The following THRB variants were observed in gnomAD, a reference collection of about 807,000 sequenced individuals.
THRB encodes nuclear receptor subfamily 1 group A member 2.
A neutral mutation model predicts 47.8 loss-of-function variants in THRB; 12 were observed. The observed-to-expected ratio is 0.25, with a 90% CI of 0.16 to 0.41. The LOEUF (loss-of-function observed/expected upper bound fraction) is 0.41, where lower values mean the gene tolerates loss of function less well. Ranked by LOEUF, THRB falls within the 10% of genes least tolerant of loss-of-function variation. THRB has a pLI of 1.00. For missense variants in THRB, 348 were observed against 589.2 expected (o/e 0.59, Z 4.24); for synonymous variants, 218 against 212.2 (o/e 1.03, Z -0.24).
At chr3:24,455,034 T>C (rs1246627587) in intron 1 of THRB, 1 of 152,062 alleles carries the variant, frequency 6.6e-6, no homozygotes, top group Admixed American at 6.6e-5. Context: ...TTGCTTTTTA[T>C]TGCAGTCATT....
intron 1 of THRB, among the ~76,000 whole-genome samples, chr3:24,393,263 G>T (rs1387897805): frequency 6.6e-6 from 1 of 152,138 alleles, no homozygotes; most frequent in Non-Finnish European, 1.5e-5. Context: ...GGCAATGGAA[G>T]TCCTTAAGAC....
In THRB at chr3:24,122,308, A is replaced by G. The variant is rs2031829876; in HGVS notation, c.*576T>C. Reference sequence around the variant, plus strand: ...GTTATAAAAATGATATTGGAAGGGCAGCTGATTTTTTTAGGACACAAATAT... The same window carrying G: ...GTTATAAAAATGATATTGGAAGGGCGGCTGATTTTTTTAGGACACAAATAT... On this transcript the variant is annotated 3_prime_UTR_variant, in exon 11 of 11. Transcript: ENST00000646209. The G allele has an allele frequency of 6.3e-6, 1 of 159,016 alleles. No individual in the cohort carries two copies. Among genetic ancestry groups the G allele is most frequent in the South Asian group, 1.9e-4 (1 of 5,322 alleles). The allele number at this position is 159,016 out of a possible 1,614,324, so 9.9% of individuals were successfully genotyped here. A position where few individuals can be genotyped will look rare whatever the true frequency, so the allele number is the denominator to read the frequency against.
At chr3:24,402,644 G>C (rs1016645731) in intron 1 of THRB, among the ~76,000 whole-genome samples, 1 of 151,690 alleles carries the variant, frequency 6.6e-6, no homozygotes, top group African/African-American at 2.4e-5. Context: ...GATATACAAT[G>C]ACTACATTAT....
At chr3:24,129,351 T>G (rs1410226217) in intron 9 of THRB, among the ~76,000 whole-genome samples, 1 of 152,242 alleles carries the variant, frequency 6.6e-6, no homozygotes, top group Non-Finnish European at 1.5e-5. Flanking sequence ...TGAGAACCAC[T>G]AGCATAGAAC....
At chr3:24,454,185 A>G (rs933838719) in intron 1 of THRB, among the ~76,000 whole-genome samples, 3 of 152,242 alleles carry the variant, frequency 2.0e-5, no homozygotes, top group Non-Finnish European at 4.4e-5. Context: ...AAAGAAATGA[A>G]TTTTATCGAT....
chr3:24,220,533 T>C (rs1470766730), intron 4 of THRB, among the ~76,000 whole-genome samples: 1 of 152,178 alleles, frequency 6.6e-6, no homozygotes, highest in African/African-American at 2.4e-5. Flanking sequence ...CAGCCAAGTT[T>C]GAGCAGGACA....
rs572755231 is a variant in THRB at position 24,135,189 on chromosome 3, A to G, written c.739-1727T>C. Among the ~76,000 whole-genome samples the G allele has an allele frequency of 2.6e-5, 4 of 152,308 alleles. No homozygotes were observed. The East Asian group carries it at 5.8e-4, about 22-fold the overall frequency. ...ATCCAGTTCCCTTGCCTCCTCCCGC[A>G]TATCTCCTGTTACTGCTCACATCAC... On this transcript the variant is annotated intron_variant, in intron 8 of 10. Transcript: ENST00000646209.
Position 24,130,506 on chromosome 3 carries a change from A to G in THRB, c.886-2749T>C, listed in dbSNP as rs540781810. 3.9e-5 allele frequency among the ~76,000 whole-genome samples: 6 copies of G among 152,190 alleles called. No homozygotes were observed. In the East Asian group the frequency reaches 1.2e-3, roughly 29 times the overall value. The stretch of plus-strand genomic sequence containing the variant: ...ACCATATGACTGGCAGGCTGGCTAG[A>G]GTTGTAGGGGTGACAGACTCAGTAG... On this transcript the variant is annotated intron_variant, in intron 9 of 10. Transcript: ENST00000646209.
intron 1 of THRB, among the ~76,000 whole-genome samples, chr3:24,423,277 G>C (rs2069445569): frequency 1.3e-5 from 2 of 151,772 alleles, no homozygotes; most frequent in Admixed American, 1.3e-4. Context: ...ACTAAGTTTT[G>C]GGATGGTTTG....
intron 1 of THRB, among the ~76,000 whole-genome samples, chr3:24,381,203 A>G (rs2065686322): frequency 6.6e-6 from 1 of 152,142 alleles, no homozygotes; most frequent in Non-Finnish European, 1.5e-5. Flanking sequence ...ACAACATTCA[A>G]ACAAAGGAAG....
At chr3:24,435,207 T>C (rs1204306734) in intron 1 of THRB, among the ~76,000 whole-genome samples, 4 of 151,866 alleles carry the variant, frequency 2.6e-5, no homozygotes, top group African/African-American at 9.7e-5. Flanking sequence ...AAAACAAGGA[T>C]GGAGGAAGAC....
chr3:24,490,736 A>G (rs1698020947), intron 1 of THRB, among the ~76,000 whole-genome samples: 2 of 152,062 alleles, frequency 1.3e-5, no homozygotes, highest in South Asian at 2.1e-4. Context: ...TGGCTGACAC[A>G]CTAGATATTT....
intron 2 of THRB, among the ~76,000 whole-genome samples, chr3:24,299,097 A>G (rs890783076): frequency 6.6e-6 from 1 of 151,716 alleles, no homozygotes; most frequent in African/African-American, 2.4e-5. Flanking sequence ...AATACAAAAA[A>G]ATTAGCTGGG....
chr3:24,359,141 G>A (rs138290214), intron 1 of THRB, among the ~76,000 whole-genome samples: 9 of 152,232 alleles, frequency 5.9e-5, no homozygotes, highest in East Asian at 5.8e-4. Context: ...GCAGGGCTTC[G>A]TTGGATGGTT....
intron 3 of THRB, among the ~76,000 whole-genome samples, chr3:24,286,226 C>T (rs1403531336): frequency 6.6e-6 from 1 of 152,190 alleles, no homozygotes; most frequent in Non-Finnish European, 1.5e-5. Context: ...TATTTTGTTA[C>T]AGCAGCCTGA....
chr3:24,154,228 A>T (rs6771884), intron 5 of THRB, among the ~76,000 whole-genome samples: 18,973 of 152,056 alleles, frequency 0.12, 1,840 homozygotes, highest in African/African-American at 0.26. Context: ...GGGTTTCAAA[A>T]CTCTTGTCAG....
At chr3:24,491,849 C>A (rs1204172718) in intron 1 of THRB, among the ~76,000 whole-genome samples, 5 of 152,234 alleles carry the variant, frequency 3.3e-5, no homozygotes, top group African/African-American at 1.2e-4. Context: ...TCAATGTCTT[C>A]CAGGGATCAA....
chr3:24,126,114 C>G (rs1244198346), intron 10 of THRB, among the ~76,000 whole-genome samples: 1 of 152,048 alleles, frequency 6.6e-6, no homozygotes, highest in East Asian at 1.9e-4. Flanking sequence ...AATTCTAGGC[C>G]AGGCGTGGTG....
chr3:24,185,431 T>A (rs1179289454), intron 5 of THRB, among the ~76,000 whole-genome samples: 3 of 150,142 alleles, frequency 2.0e-5, no homozygotes, highest in East Asian at 2.0e-4. Flanking sequence ...TTTGCAATTT[T>A]AAAAATTTGT....
Sources: gnomAD v4.1 joint callset for allele counts (sites outside exome capture counted in the v4.1 genomes callset) on GRCh38, gnomAD v4.1.1 for gene constraint, MANE v1.5 for transcripts, NCBI Gene and HGNC (gene_info 2026-07-23, HGNC 2026-07-21) for gene names.